Variants in P3H2 observed in about 807,000 individuals in gnomAD.
The protein encoded by P3H2 is prolyl 3-hydroxylase 2.
A neutral mutation model predicts 87.0 loss-of-function variants in P3H2; 80 were observed. The observed-to-expected ratio is 0.92, with a 90% CI of 0.77 to 1.11. The LOEUF is 1.11. Ranked by LOEUF, P3H2 falls within the 50% of genes least tolerant of loss-of-function variation. The pLI is 0.00. For synonymous variants in P3H2, 367 were observed against 359.3 expected (o/e 1.02, Z -0.24); for missense variants, 1,001 against 923.9 (o/e 1.08, Z -1.08).
At chr3:190,105,874 G>C (rs2108519054) in intron 1 of P3H2, among the ~76,000 whole-genome samples, 1 of 152,296 alleles carries the variant, frequency 6.6e-6, no homozygotes, top group African/African-American at 2.4e-5. Context: ...GCTGGGTGTA[G>C]AGATTAAATT....
chr3:190,008,809 T>A (rs997601238), intron 1 of P3H2, among the ~76,000 whole-genome samples: 4 of 152,030 alleles, frequency 2.6e-5, no homozygotes, highest in African/African-American at 9.6e-5. Context: ...GGCCATTGGG[T>A]AGGTGGGAAC....
At chr3:190,002,899 A>G (rs1724261232) in intron 1 of P3H2, among the ~76,000 whole-genome samples, 1 of 152,224 alleles carries the variant, frequency 6.6e-6, no homozygotes, top group Admixed American at 6.5e-5. Context: ...TTCCTTTTCT[A>G]CATCTCAAGG....
Position 190,120,821 on chromosome 3 carries a change from G to T in P3H2, c.-90C>A. The T allele has an allele frequency of 6.8e-7, 1 of 1,461,008 alleles. No homozygotes were observed. The highest frequency in any genetic ancestry group is 9.0e-7 in the Non-Finnish European group (1 of 1,109,528). 90.5% of individuals were successfully genotyped at this position (1,461,008 alleles called of 1,614,324 possible). ...GTCCCCTCTCCCACCTTCCCTCGGG[G>T]AAGCGCGCCGACTCCGCCGCGATCT... On this transcript the variant is annotated 5_prime_UTR_variant, in exon 1 of 15. Coordinates refer to ENST00000319332, the MANE Select transcript of P3H2 (RefSeq NM_018192.4).
rs1225922799 is a variant in P3H2, at chr3:190,041,035, TATACACACACACAC to T, written c.481-45607_481-45594del. Among the ~76,000 whole-genome samples, 8 of 39,800 alleles carry T rather than the reference TATACACACACACAC, an allele frequency of 2.0e-4. 1 individual carries two copies. Among genetic ancestry groups the T allele is most frequent in the South Asian group, 1.0e-3 (1 of 992 alleles). 26.1% of individuals were successfully genotyped at this position (39,800 alleles called of 152,430 possible). ...CATGGCTCTACTATATATATATATA[TATACACACACACAC>T]ACACACACACACACACACACACACA... On this transcript the variant is annotated intron_variant, in intron 1 of 14. Transcript: ENST00000319332.
At chr3:190,024,530 CAAAAAAAA>C (rs71635314) in intron 1 of P3H2, among the ~76,000 whole-genome samples, 9 of 52,948 alleles carry the variant, frequency 1.7e-4, no homozygotes, top group Admixed American at 7.5e-4. Context: ...GGTTCCCTCT[CAAAAAAAA>C]AAAAAAAAAA....
At chr3:189,962,735 A>G (rs1237167694) in intron 14 of P3H2, among the ~76,000 whole-genome samples, 1 of 152,236 alleles carries the variant, frequency 6.6e-6, no homozygotes, top group Non-Finnish European at 1.5e-5. Context: ...TTTGTAAAAT[A>G]TGTGAAAGAA....
At chr3:190,066,245 T>G (rs569127497) in intron 1 of P3H2, among the ~76,000 whole-genome samples, 1 of 151,624 alleles carries the variant, frequency 6.6e-6, no homozygotes, top group South Asian at 2.1e-4. Flanking sequence ...TACATATATA[T>G]GATGGAATAT....
chr3:190,076,508 A>C lies in P3H2; in HGVS notation c.480+43744T>G, dbSNP rs555939943. On this transcript the variant is annotated intron_variant, in intron 1 of 14. Transcript: ENST00000319332. ...GCAAAGTGAGAATGCCTGCTCACTC[A>C]TTCACATATCCACCTCCCTAGGTCT... Among the ~76,000 whole-genome samples the C allele has an allele frequency of 5.9e-5, 9 of 152,320 alleles. No individual in the cohort carries two copies. The East Asian group carries it at 1.5e-3, about 26-fold the overall frequency.
Position 190,120,440 on chromosome 3 carries a change from G to C in P3H2, c.292C>G (p.Pro98Ala), listed in dbSNP as rs781602973. 1.4e-6 allele frequency: 2 copies of C among 1,440,742 alleles called. No homozygotes were observed. The highest frequency in any genetic ancestry group is 2.9e-5 in the East Asian group (1 of 34,384). The allele number at this position is 1,440,742 out of a possible 1,614,324, so 89.2% of individuals were successfully genotyped here. A position where few individuals can be genotyped will look rare whatever the true frequency, so the allele number is the denominator to read the frequency against. ...TCAGCGCCGGGGCCCTCGCCGGGGGGCGGGGGCGGGAGCGGGTGGCGCGCC... is the reference window on the plus strand; with the variant it reads ...TCAGCGCCGGGGCCCTCGCCGGGGGCCGGGGGCGGGAGCGGGTGGCGCGCC... ...CAARHPLPPP[P>A]PGEGPGAELP... The change falls in exon 1 of 15, where the codon CCC (proline) becomes GCC (alanine). Residue 98 changes from proline to alanine, a missense_variant. By Grantham distance (27) the Pro-to-Ala change is conservative. Transcript: ENST00000319332.
intron 1 of P3H2, among the ~76,000 whole-genome samples, chr3:190,007,081 T>C (rs905896838): frequency 4.6e-5 from 7 of 152,200 alleles, no homozygotes; most frequent in Non-Finnish European, 8.8e-5. Context: ...ATTTCACTTA[T>C]TGGCAGGGAG....
At chr3:189,966,128 A>AAAGT (rs1392046889) in intron 13 of P3H2, among the ~76,000 whole-genome samples, 1 of 35,564 alleles carries the variant, frequency 2.8e-5, no homozygotes, top group East Asian at 6.6e-4. Flanking sequence ...AAAGAAAAAG[A>AAAGT]AAGAAAGAAA....
chr3:189,983,813 A>G (rs910849287), intron 7 of P3H2, among the ~76,000 whole-genome samples: 1 of 152,184 alleles, frequency 6.6e-6, no homozygotes, highest in African/African-American at 2.4e-5. Flanking sequence ...CAGGTTCCCA[A>G]TTTGAAAATG....
intron 1 of P3H2, among the ~76,000 whole-genome samples, chr3:190,018,262 T>A (rs1436767374): frequency 6.6e-6 from 1 of 152,216 alleles, no homozygotes; most frequent in Non-Finnish European, 1.5e-5. Flanking sequence ...AGATGCACAT[T>A]TCTACAAAAT....
chr3:190,099,159 G>T lies in P3H2; in HGVS notation c.480+21093C>A, dbSNP rs567503414. Among the ~76,000 whole-genome samples, 4 of 151,974 alleles carry T rather than the reference G, an allele frequency of 2.6e-5. No individual in the cohort carries two copies. The South Asian group carries it at 6.2e-4, about 24-fold the overall frequency. On this transcript the variant is annotated intron_variant, in intron 1 of 14. Transcript: ENST00000319332. ...ATTTTGTCAAGTTTCACTTCTTGCA[G>T]CAAAAATACTTACATTAAATATTAT...
chr3:189,964,126 T>C (rs1374403280), intron 13 of P3H2, 28 bp from the exon 14 acceptor site: 3 of 1,605,932 alleles, frequency 1.9e-6, no homozygotes, highest in Admixed American at 1.7e-5. Flanking sequence ...AATTAGACTT[T>C]CAATTGTTGT....
At chr3:190,064,286 T>C (rs1198642803) in intron 1 of P3H2, among the ~76,000 whole-genome samples, 1 of 152,014 alleles carries the variant, frequency 6.6e-6, no homozygotes, top group Non-Finnish European at 1.5e-5. Flanking sequence ...GTGCTGGGAT[T>C]ATAGACATGA....
chr3:190,042,084 G>A lies in P3H2; in HGVS notation c.481-46642C>T, dbSNP rs115358883. Among the ~76,000 whole-genome samples the A allele has an allele frequency of 2.5e-3, 375 of 152,208 alleles. 2 individuals are homozygous for A. The highest frequency in any genetic ancestry group is 4.5e-3 in the Non-Finnish European group (309 of 68,018). ...TTAAACTCTAAAACTGGCTTCTATC[G>A]TCTGAATGCAATGGTGGAGGAGTAG... On this transcript the variant is annotated intron_variant, in intron 1 of 14. Transcript: ENST00000319332.
chr3:189,997,120 C>T (rs1414907456), intron 1 of P3H2, among the ~76,000 whole-genome samples: 2 of 152,188 alleles, frequency 1.3e-5, no homozygotes, highest in Non-Finnish European at 2.9e-5. Flanking sequence ...CTCCAGGGTT[C>T]AAGCGATTCT....
In P3H2 at chr3:189,973,284, C is replaced by G. The variant is rs754730941; in HGVS notation, c.1549-260G>C. 4.3e-5 allele frequency: 19 copies of G among 440,288 alleles called. No homozygotes were observed. The East Asian group carries it at 5.8e-4, about 13-fold the overall frequency. The allele number at this position is 440,288 out of a possible 1,614,324, so 27.3% of individuals were successfully genotyped here. ...ATGTTCTACCATCCTCTCTAACAAC[C>G]CTTCCTGCAGTAGAGAATAATTACT... On this transcript the variant is annotated intron_variant, in intron 10 of 14. Coordinates refer to ENST00000319332, the MANE Select transcript of P3H2 (RefSeq NM_018192.4).
Sources: gnomAD v4.1 joint callset for allele counts (sites outside exome capture counted in the v4.1 genomes callset) on GRCh38, gnomAD v4.1.1 for gene constraint, MANE v1.5 for transcripts, NCBI Gene and HGNC (gene_info 2026-07-23, HGNC 2026-07-21) for gene names.